ROBO1: variants seen among roughly 807,000 people sequenced by gnomAD.
The protein encoded by ROBO1 is roundabout guidance receptor 1.
Under a neutral mutation model 195.9 loss-of-function variants are expected in ROBO1, and 149 were observed. That is an observed-to-expected ratio of 0.76 (90% CI 0.67 to 0.87). ROBO1 has a LOEUF of 0.87. ROBO1 is among the 40% of genes least tolerant of loss of function. The probability of loss-of-function intolerance (pLI) is 0.00; values close to 1 mark genes in which losing one functional copy is unlikely to be tolerated. For synonymous variants in ROBO1, 816 were observed against 733.2 expected, an observed-to-expected ratio of 1.11 and a Z score of -1.82; for missense variants, 1,933 against 2,068.3, an observed-to-expected ratio of 0.93 and a Z score of 1.27.
At chr3:78,768,732 TGCTGGTGC>T (rs544459510) in intron 4 of ROBO1, among the ~76,000 whole-genome samples, 9 of 151,908 alleles carry the variant, frequency 5.9e-5, no homozygotes, top group Non-Finnish European at 1.3e-4. Flanking sequence ...ACATGTGCCA[TGCTGGTGC>T]GCTGGTGCGC....
intron 2 of ROBO1, among the ~76,000 whole-genome samples, chr3:79,338,140 G>A (rs1331831967): frequency 6.6e-6 from 1 of 152,074 alleles, no homozygotes; most frequent in Non-Finnish European, 1.5e-5. Context: ...TAAAAATGCA[G>A]TAATTGCTTG....
chr3:79,487,174 T>C (rs1251211819), intron 2 of ROBO1, among the ~76,000 whole-genome samples: 1 of 1,382 alleles, frequency 7.2e-4, no homozygotes, highest in Non-Finnish European at 1.5e-3. Flanking sequence ...ATACATAAAA[T>C]GTATAAGAAG....
At chr3:79,359,933 T>A (rs528373008) in intron 2 of ROBO1, among the ~76,000 whole-genome samples, 2 of 152,132 alleles carry the variant, frequency 1.3e-5, no homozygotes, top group Non-Finnish European at 2.9e-5. Flanking sequence ...TTGGTGATAC[T>A]TGAACTAAAT....
intron 2 of ROBO1, among the ~76,000 whole-genome samples, chr3:79,416,941 C>T (rs991042310): frequency 3.9e-5 from 6 of 152,130 alleles, no homozygotes; most frequent in African/African-American, 1.2e-4. Context: ...TTAGGCTGAT[C>T]ATTCATAATT....
chr3:79,595,286 G>T (rs1007481989), intron 1 of ROBO1, among the ~76,000 whole-genome samples: 1 of 151,988 alleles, frequency 6.6e-6, no homozygotes, highest in Middle Eastern at 3.4e-3. Context: ...AAATTTCTTA[G>T]AAAGTAAAAA....
intron 2 of ROBO1, among the ~76,000 whole-genome samples, chr3:79,321,053 A>G (rs905494177): frequency 6.6e-6 from 1 of 152,232 alleles, no homozygotes; most frequent in African/African-American, 2.4e-5. Context: ...AAATTCTAGC[A>G]TCTTAAGGAA....
intron 1 of ROBO1, among the ~76,000 whole-genome samples, chr3:79,690,791 G>C (rs1947276228): frequency 6.6e-6 from 1 of 151,678 alleles, no homozygotes; most frequent in Admixed American, 6.6e-5. Flanking sequence ...TATCCAAATT[G>C]GACAGATCTC....
chr3:79,455,422 T>C, intron 2 of ROBO1, among the ~76,000 whole-genome samples: 1 of 152,122 alleles, frequency 6.6e-6, no homozygotes, highest in East Asian at 1.9e-4. Context: ...GTCATAATTG[T>C]GAGGTGTGTA....
intron 4 of ROBO1, among the ~76,000 whole-genome samples, chr3:78,763,479 A>G (rs148493683): frequency 2.0e-4 from 31 of 152,278 alleles, no homozygotes; most frequent in African/African-American, 7.2e-4. Flanking sequence ...CAAATTTGAA[A>G]TGTATTTTGA....
chr3:79,019,189 C>T (rs1182520820), intron 3 of ROBO1: 3 of 986,452 alleles, frequency 3.0e-6, no homozygotes, highest in Non-Finnish European at 3.6e-6. Flanking sequence ...CGCGCGGCGC[C>T]CAACATCGCC....
intron 5 of ROBO1, among the ~76,000 whole-genome samples, chr3:78,725,524 T>C (rs1258669047): frequency 2.6e-5 from 4 of 152,132 alleles, no homozygotes; most frequent in Admixed American, 2.6e-4. Context: ...TAGGAAATCC[T>C]GCCTTCATCT....
chr3:78,986,165 T>C (rs1309742383), intron 3 of ROBO1, among the ~76,000 whole-genome samples: 3 of 152,090 alleles, frequency 2.0e-5, no homozygotes, highest in African/African-American at 7.2e-5. Flanking sequence ...TACATTTGCT[T>C]TGAGCCAAAA....
At chr3:78,703,343 G>A (rs1163332011) in intron 8 of ROBO1, among the ~76,000 whole-genome samples, 2 of 152,148 alleles carry the variant, frequency 1.3e-5, no homozygotes, top group East Asian at 3.9e-4. Context: ...AGGAGAGGGA[G>A]TTATTCTCAC....
chr3:78,803,647 A>T (rs1202422108), intron 4 of ROBO1, among the ~76,000 whole-genome samples: 2 of 152,138 alleles, frequency 1.3e-5, no homozygotes, highest in Non-Finnish European at 2.9e-5. Context: ...CAACAAATTC[A>T]TGATAACTTG....
chr3:79,616,445 C>T, intron 1 of ROBO1, among the ~76,000 whole-genome samples: 1 of 151,928 alleles, frequency 6.6e-6, no homozygotes, highest in Non-Finnish European at 1.5e-5. Context: ...TGTAGGATCC[C>T]AAGAGATTTA....
At chr3:78,826,242 A>T (rs2031587361) in intron 4 of ROBO1, among the ~76,000 whole-genome samples, 1 of 152,198 alleles carries the variant, frequency 6.6e-6, no homozygotes, top group Non-Finnish European at 1.5e-5. Context: ...ATCCTGCAAT[A>T]AATATAGAAC....
chr3:79,438,147 A>G (rs2038945146), intron 2 of ROBO1, among the ~76,000 whole-genome samples: 1 of 151,956 alleles, frequency 6.6e-6, no homozygotes, highest in Non-Finnish European at 1.5e-5. Flanking sequence ...CAAATTACTT[A>G]TACTTCATTT....
intron 3 of ROBO1, among the ~76,000 whole-genome samples, chr3:79,103,215 G>A (rs2079711762): frequency 1.3e-5 from 2 of 151,752 alleles, no homozygotes; most frequent in East Asian, 1.9e-4. Flanking sequence ...TCATATGGGA[G>A]TATGCATATT....
chr3:79,074,080 T>C (rs1226994938), intron 3 of ROBO1, among the ~76,000 whole-genome samples: 1 of 151,896 alleles, frequency 6.6e-6, no homozygotes, highest in Non-Finnish European at 1.5e-5. Context: ...TAATTGATTG[T>C]ATTATTTTTT....
Sources: gnomAD v4.1 joint callset for allele counts (sites outside exome capture counted in the v4.1 genomes callset) on GRCh38, gnomAD v4.1.1 for gene constraint, MANE v1.5 for transcripts, NCBI Gene and HGNC (gene_info 2026-07-23, HGNC 2026-07-21) for gene names.